Variants in SHANK2 observed in about 807,000 individuals in gnomAD.
The protein encoded by SHANK2 is SH3 and multiple ankyrin repeat domains 2.
SHANK2 carries 43 observed loss-of-function variants against 133.7 expected under a neutral mutation model. The observed-to-expected ratio is 0.32, with a 90% CI of 0.25 to 0.41. SHANK2 has a LOEUF of 0.41. Ranked by LOEUF, SHANK2 falls within the 10% of genes least tolerant of loss-of-function variation. The probability of loss-of-function intolerance (pLI) is 1.00; values close to 1 mark genes in which losing one functional copy is unlikely to be tolerated. For synonymous variants in SHANK2, 1,017 were observed against 952.8 expected (o/e 1.07, Z -1.24); for missense variants, 1,994 against 2,235.8 (o/e 0.89, Z 2.18).
intron 11 of SHANK2, among the ~76,000 whole-genome samples, chr11:70,832,917 C>T (rs1214739856): frequency 6.6e-6 from 1 of 152,160 alleles, no homozygotes; most frequent in African/African-American, 2.4e-5. Context: ...CTGTTGTCCT[C>T]AGCATCCTCA....
chr11:70,526,525 C>T (rs1182536804), intron 17 of SHANK2, among the ~76,000 whole-genome samples: 8 of 152,188 alleles, frequency 5.3e-5, no homozygotes, highest in South Asian at 2.1e-4. Flanking sequence ...GTGTGCTCAG[C>T]GCACACGCGT....
intron 9 of SHANK2, among the ~76,000 whole-genome samples, chr11:71,073,245 G>A (rs1481677602): frequency 2.1e-4 from 30 of 144,206 alleles, no homozygotes; most frequent in East Asian, 1.3e-3. Flanking sequence ...TGCAACCTCC[G>A]CCTCCCGGGT....
intron 10 of SHANK2, among the ~76,000 whole-genome samples, chr11:70,902,911 C>A (rs1292832911): frequency 6.6e-6 from 1 of 152,156 alleles, no homozygotes; most frequent in Admixed American, 6.5e-5. Context: ...AGGGAGCCCA[C>A]ATTTTTTTTC....
intron 25 of SHANK2, among the ~76,000 whole-genome samples, chr11:70,476,457 G>C (rs1170681253): frequency 6.6e-6 from 1 of 152,276 alleles, no homozygotes; most frequent in African/African-American, 2.4e-5. Context: ...ACTTAAAACT[G>C]GGGGTGCTGT....
intron 2 of SHANK2, among the ~76,000 whole-genome samples, chr11:71,178,970 G>C (rs1000506373): frequency 2.6e-5 from 4 of 152,176 alleles, no homozygotes; most frequent in Non-Finnish European, 5.9e-5. Context: ...GTGACAGAAT[G>C]AGACTTCGTC....
chr11:70,645,659 C>A (rs1222234228), intron 17 of SHANK2, among the ~76,000 whole-genome samples: 1 of 152,216 alleles, frequency 6.6e-6, no homozygotes, highest in Non-Finnish European at 1.5e-5. Context: ...GCAACGCCAC[C>A]TGCCACAGGC....
chr11:70,875,795 G>A (rs368559952), intron 11 of SHANK2, among the ~76,000 whole-genome samples: 71 of 151,120 alleles, frequency 4.7e-4, no homozygotes, highest in Non-Finnish European at 8.4e-4. Context: ...GGTCGAGACC[G>A]CAGTTGGCGG....
intron 6 of SHANK2, among the ~76,000 whole-genome samples, chr11:71,102,197 C>A (rs1555096768): frequency 6.6e-6 from 1 of 151,904 alleles, no homozygotes; most frequent in African/African-American, 2.4e-5. Flanking sequence ...CAACTGGTCT[C>A]ATCTCAGAGT....
chr11:70,867,132 A>G (rs1285957411), intron 11 of SHANK2, among the ~76,000 whole-genome samples: 1 of 151,334 alleles, frequency 6.6e-6, no homozygotes, highest in African/African-American at 2.4e-5. Flanking sequence ...AAAAAAAAAA[A>G]AAGAGAGAGA....
intron 2 of SHANK2, among the ~76,000 whole-genome samples, chr11:71,198,898 C>T (rs1365698535): frequency 6.6e-6 from 1 of 152,188 alleles, no homozygotes; most frequent in Non-Finnish European, 1.5e-5. Context: ...TAGACTGCAG[C>T]TTTGAGAGTT....
chr11:70,823,858 G>A (rs782556779), intron 11 of SHANK2, among the ~76,000 whole-genome samples: 1 of 151,396 alleles, frequency 6.6e-6, no homozygotes, highest in Non-Finnish European at 1.5e-5. Flanking sequence ...GCTCCTGGGG[G>A]ACAGAGGTGG....
chr11:70,911,687 C>A (rs1555079046), intron 10 of SHANK2, among the ~76,000 whole-genome samples: 1 of 152,138 alleles, frequency 6.6e-6, no homozygotes, highest in Non-Finnish European at 1.5e-5. Context: ...TGTGAGTGCA[C>A]CTGCAGCTTC....
At chr11:70,484,478 A>G (rs2058774760) in intron 25 of SHANK2, among the ~76,000 whole-genome samples, 1 of 152,164 alleles carries the variant, frequency 6.6e-6, no homozygotes, top group African/African-American at 2.4e-5. Context: ...AGCAGAAGCC[A>G]ACATCATGCT....
intron 10 of SHANK2, among the ~76,000 whole-genome samples, chr11:70,940,155 TTTCC>T (rs113406010): frequency 0.66 from 78,558 of 119,576 alleles, 28,491 homozygotes; most frequent in Non-Finnish European, 0.78. Context: ...AGAGAATCAA[TTTCC>T]TTCCTTCCTT....
At chr11:70,670,939 C>T (rs1203650807) in intron 15 of SHANK2, among the ~76,000 whole-genome samples, 2 of 152,220 alleles carry the variant, frequency 1.3e-5, no homozygotes, top group Non-Finnish European at 2.9e-5. Context: ...GCCCGCACAC[C>T]CGTGCCCAGA....
chr11:70,576,053 C>T (rs1023318261), intron 17 of SHANK2, among the ~76,000 whole-genome samples: 1 of 152,106 alleles, frequency 6.6e-6, no homozygotes, highest in African/African-American at 2.4e-5. Context: ...GTGTTCCCCC[C>T]TCTCCCCACA....
At chr11:71,103,441 G>A (rs781838350) in intron 6 of SHANK2, among the ~76,000 whole-genome samples, 1 of 152,192 alleles carries the variant, frequency 6.6e-6, no homozygotes, top group African/African-American at 2.4e-5. Context: ...CGGGAAAACC[G>A]GATACACTGG....
intron 17 of SHANK2, among the ~76,000 whole-genome samples, chr11:70,651,902 GTGGAGAGT>G (rs1308971908): frequency 6.6e-6 from 1 of 152,198 alleles, no homozygotes; most frequent in African/African-American, 2.4e-5. Flanking sequence ...TGGGGATGGG[GTGGAGAGT>G]TCCTAGATTG....
At chr11:70,883,266 G>A (rs1949684697) in intron 11 of SHANK2, among the ~76,000 whole-genome samples, 1 of 152,210 alleles carries the variant, frequency 6.6e-6, no homozygotes, top group Non-Finnish European at 1.5e-5. Context: ...TTGCTGCTCA[G>A]ATCAAGGCAG....
Sources: allele counts gnomAD v4.1 joint callset (sites outside exome capture counted in the v4.1 genomes callset), GRCh38; gene constraint gnomAD v4.1.1; transcripts MANE v1.5; gene names NCBI Gene and HGNC (gene_info 2026-07-23, HGNC 2026-07-21).